The following RBBP9 variants were observed in gnomAD, a reference collection of about 807,000 sequenced individuals.
RBBP9 encodes serine hydrolase RBBP9.
Under a neutral mutation model 24.2 loss-of-function variants are expected in RBBP9, and 20 were observed. The ratio of observed to expected loss-of-function variants is 0.83; its 90% CI spans 0.58 to 1.20. The LOEUF (loss-of-function observed/expected upper bound fraction) is 1.20, where lower values mean the gene tolerates loss of function less well. RBBP9 is among the 50% of genes most tolerant of loss of function. The pLI, the probability that RBBP9 is intolerant of heterozygous loss-of-function variation, is 0.00. For synonymous variants in RBBP9, 74 were observed against 84.6 expected, an observed-to-expected ratio of 0.87 and a Z score of 0.69; for missense variants, 234 against 233.6, an observed-to-expected ratio of 1.00 and a Z score of -0.01.
chr20:18,495,429 T>G (rs1459793089), intron 2 of RBBP9, among the ~76,000 whole-genome samples: 4 of 150,424 alleles, frequency 2.7e-5, no homozygotes, highest in Non-Finnish European at 5.9e-5. Context: ...TAATCTCAAG[T>G]ACCCAGGGAC....
chr20:18,496,545 A>ATT (rs1434222966), intron 1 of RBBP9, among the ~76,000 whole-genome samples: 1 of 152,224 alleles, frequency 6.6e-6, no homozygotes, highest in Non-Finnish European at 1.5e-5. Context: ...AGAGAAGCAG[A>ATT]TGAAAAAATT....
At chr20:18,495,168 T>C (rs1394905647) in intron 2 of RBBP9, among the ~76,000 whole-genome samples, 4 of 149,036 alleles carry the variant, frequency 2.7e-5, no homozygotes, top group East Asian at 2.0e-4. Context: ...GGGGAAAAGA[T>C]TGAGAAATCG....
At chr20:18,496,796 G>A (rs1027091480) in intron 1 of RBBP9, among the ~76,000 whole-genome samples, 3 of 152,120 alleles carry the variant, frequency 2.0e-5, no homozygotes, top group Non-Finnish European at 2.9e-5. Context: ...CAGCAGATAC[G>A]GGGGGCGGGG....
At position 18,486,941 on chromosome 20, in the gene RBBP9, T is replaced by C. The variant is rs907581130; in HGVS notation, c.*2823A>G. The C allele has an allele frequency of 3.9e-5, 6 of 152,246 alleles. No individual in the cohort carries two copies. The highest frequency in any genetic ancestry group is 9.6e-5 in the African/African-American group (4 of 41,458). 9.4% of individuals were successfully genotyped at this position (152,246 alleles called of 1,614,324 possible). A position where few individuals can be genotyped will look rare whatever the true frequency, so the allele number is the denominator to read the frequency against. The stretch of plus-strand genomic sequence containing the variant: ...CCCCTGATCTTAGTTGGGTGATTTA[T>C]AGACCTATGATGTTGGTGGTGATCA... On this transcript the variant is annotated 3_prime_UTR_variant, in exon 5 of 5. Coordinates refer to ENST00000337227, the MANE Select transcript of RBBP9 (RefSeq NM_006606.3).
intron 2 of RBBP9, 104 bp downstream of exon 2, chr20:18,495,734 G>A: frequency 9.2e-7 from 1 of 1,083,402 alleles, no homozygotes; most frequent in Non-Finnish European, 1.4e-6. Flanking sequence ...AGGTATATAG[G>A]CATCTTTGGT....
rs771748122 is a variant in RBBP9, at chr20:18,497,159, A to T, written c.9T>A (p.Ser3=). The T allele has an allele frequency of 1.7e-5, 27 of 1,613,610 alleles. No homozygotes were observed. The highest frequency in any genetic ancestry group is 2.3e-5 in the Non-Finnish European group (27 of 1,179,680). ...CGGGAACAATCACTGCCTTGCTAGG[A>T]GAAGCCATGAGTGCAGCGAGGCCAG... is the stretch of plus-strand genomic sequence containing the variant. MA[S]PSKAVIVPGN... Residue 3 remains serine (S), a synonymous_variant, in exon 1 of 5, where the codon TCT becomes TCA. Coordinates refer to ENST00000337227, the MANE Select transcript of RBBP9 (RefSeq NM_006606.3).
chr20:18,492,612 T>C (rs1004635720), intron 3 of RBBP9, among the ~76,000 whole-genome samples: 1 of 152,222 alleles, frequency 6.6e-6, no homozygotes, highest in African/African-American at 2.4e-5. Flanking sequence ...TCCACCTGAT[T>C]TCTCCATTGG....
intron 3 of RBBP9, 90 bp downstream of exon 3, chr20:18,493,868 G>C: frequency 9.8e-7 from 1 of 1,016,806 alleles, no homozygotes; most frequent in Non-Finnish European, 1.4e-6. Flanking sequence ...TGTTTCCTCT[G>C]CAACAGAAAT....
At position 18,493,947 on chromosome 20, in the gene RBBP9, A is replaced by G. The variant is rs187307607; in HGVS notation, c.248+11T>C. On this transcript the variant is annotated intron_variant, in intron 3 of 4. Coordinates refer to ENST00000337227, the MANE Select transcript of RBBP9 (RefSeq NM_006606.3). ...CCCACAAAGGGGATAGCAGTTTAACAAAGATCGCACCTCATGGCCGCGATG... is the reference window on the plus strand; with the variant it reads ...CCCACAAAGGGGATAGCAGTTTAACGAAGATCGCACCTCATGGCCGCGATG... 636 of 1,594,264 alleles carry G rather than the reference A, an allele frequency of 4.0e-4. 1 individual carries two copies. In the African/African-American group the frequency reaches 7.9e-3, roughly 20 times the overall value.
chr20:18,488,971 G>GTGTGTGTGTGTGTGTA lies in RBBP9; in HGVS notation c.*792_*793insTACACACACACACACA, dbSNP rs35822681. On this transcript the variant is annotated 3_prime_UTR_variant, in exon 5 of 5. Transcript: ENST00000337227. The stretch of plus-strand genomic sequence containing the variant: ...TATGTGTATGTGTGTGTGTGTGTGT[G>GTGTGTGTGTGTGTGTA]TATATATATATATATTTGCATTCCC... 6.7e-6 allele frequency: 1 copy of GTGTGTGTGTGTGTGTA among 148,702 alleles called. No individual in the cohort carries two copies. Among genetic ancestry groups the GTGTGTGTGTGTGTGTA allele is most frequent in the Non-Finnish European group, 1.5e-5 (1 of 67,190 alleles). The allele number at this position is 148,702 out of a possible 1,614,324, so 9.2% of individuals were successfully genotyped here. A position where few individuals can be genotyped will look rare whatever the true frequency, so the allele number is the denominator to read the frequency against.
rs550534869 is a variant in RBBP9, at chr20:18,487,278, T to A, written c.*2486A>T. On this transcript the variant is annotated 3_prime_UTR_variant, in exon 5 of 5. Transcript: ENST00000337227. ...AAAGTTCAACAATCCTATAGGTCTA[T>A]CTTAATTACTTTTATAGGAATGAAG... 16 of 152,356 alleles carry A rather than the reference T, an allele frequency of 1.1e-4. 1 individual carries two copies. In the South Asian group the frequency reaches 3.3e-3, roughly 32 times the overall value. The allele number at this position is 152,356 out of a possible 1,614,324, so 9.4% of individuals were successfully genotyped here.
chr20:18,492,307 A>G (rs1340956327), intron 3 of RBBP9, among the ~76,000 whole-genome samples: 3 of 152,148 alleles, frequency 2.0e-5, no homozygotes, highest in Non-Finnish European at 4.4e-5. Context: ...ACATTCTGCA[A>G]TCCTAGATCT....
intron 3 of RBBP9, among the ~76,000 whole-genome samples, chr20:18,491,853 T>C (rs919991656): frequency 2.6e-5 from 4 of 151,890 alleles, no homozygotes; most frequent in African/African-American, 9.7e-5. Context: ...TCCCAGCACT[T>C]TGTGAGGCCA....
At chr20:18,495,948 G>T in intron 1 of RBBP9, 68 bp from the exon 2 acceptor site, 1 of 1,273,924 alleles carries the variant, frequency 7.8e-7, no homozygotes, top group South Asian at 1.4e-5. Flanking sequence ...TTGCTAATAA[G>T]AAATGAGGCA....
At chr20:18,490,017 A>G in intron 4 of RBBP9, 27 bp from the exon 5 acceptor site, 1 of 1,518,542 alleles carries the variant, frequency 6.6e-7, no homozygotes, top group Non-Finnish European at 9.1e-7. Context: ...ATGATCTTTC[A>G]GTACCCATGG....
intron 4 of RBBP9, 85 bp downstream of exon 4, chr20:18,490,310 G>T: frequency 9.3e-7 from 1 of 1,078,212 alleles, no homozygotes; most frequent in Non-Finnish European, 1.4e-6. Context: ...TAGCCTATCT[G>T]AAAGACAGCA....
rs560343448 is a variant in RBBP9, at chr20:18,489,874, C to A, written c.451G>T (p.Asp151Tyr). The change falls in exon 5 of 5, where the codon GAT becomes TAT. Residue 151 changes from aspartate (D) to tyrosine (Y), a missense_variant. By Grantham distance (160) the Asp-to-Tyr change is radical (BLOSUM62 -3). Transcript: ENST00000337227. ...TTGTGCAATTTGGTTTCCAACCTAT[C>A]GGCCACTTCTTGTTGTTCCTTCCAG... ...LPWKEQQEVA[D>Y]RLETKLHKFT... is the part of the protein sequence containing the mutation. 1.2e-6 allele frequency: 2 copies of A among 1,613,796 alleles called. No homozygotes were observed. The highest frequency in any genetic ancestry group is 3.3e-5 in the Admixed American group (2 of 59,992).
In RBBP9 at chr20:18,487,515, A is replaced by C. The variant is rs1257895554; in HGVS notation, c.*2249T>G. 6.6e-6 allele frequency: 1 copy of C among 152,232 alleles called. No homozygotes were observed. The highest frequency in any genetic ancestry group is 1.9e-4 in the East Asian group (1 of 5,208). 9.4% of individuals were successfully genotyped at this position (152,232 alleles called of 1,614,324 possible). Reference sequence around the variant, plus strand: ...CTATAGATTTGGTCAAATTAGTGCTAAACAGCCTCTTTAACAACATTATTA... The same window carrying C: ...CTATAGATTTGGTCAAATTAGTGCTCAACAGCCTCTTTAACAACATTATTA... On this transcript the variant is annotated 3_prime_UTR_variant, in exon 5 of 5. Coordinates refer to ENST00000337227, the MANE Select transcript of RBBP9 (RefSeq NM_006606.3).
chr20:18,491,573 A>G (rs1405934632), intron 3 of RBBP9, among the ~76,000 whole-genome samples: 3 of 152,148 alleles, frequency 2.0e-5, no homozygotes, highest in Non-Finnish European at 4.4e-5. Flanking sequence ...ATAAGATATA[A>G]AGAGGATAGG....
Sources: gnomAD v4.1 joint callset for allele counts (sites outside exome capture counted in the v4.1 genomes callset) on GRCh38, gnomAD v4.1.1 for gene constraint, MANE v1.5 for transcripts, NCBI Gene and HGNC (gene_info 2026-07-23, HGNC 2026-07-21) for gene names.